The following OOEP variants were observed in gnomAD, a reference collection of about 807,000 sequenced individuals.
OOEP encodes the protein oocyte expressed protein.
Under a neutral mutation model 13.7 loss-of-function variants are expected in OOEP, and 16 were observed. The ratio of observed to expected loss-of-function variants is 1.16; its 90% confidence interval spans 0.79 to 1.77. OOEP has a LOEUF of 1.77. Among genes scored for constraint, OOEP ranks in the 40% most tolerant of loss-of-function variants. The pLI is 0.00. For synonymous variants in OOEP, 89 were observed against 77.1 expected, an observed-to-expected ratio of 1.15 and a Z score of -0.81; for missense variants, 195 against 193.1, an observed-to-expected ratio of 1.01 and a Z score of -0.06.
intron 2 of OOEP, among the ~76,000 whole-genome samples, chr6:73,380,351 G>A (rs534092315): frequency 2.6e-5 from 4 of 151,356 alleles, no homozygotes; most frequent in Non-Finnish European, 1.5e-5. Flanking sequence ...GGGCTTAAGC[G>A]ATTCTCTCAT....
At chr6:73,373,098 G>A, upstream of OOEP, 1 of 1,591,468 alleles carries the variant, frequency 6.3e-7, no homozygotes. Context: ...GCCATCTCAT[G>A]TGCAATTCCT....
At chr6:73,373,347 C>G, upstream of OOEP, 2 of 1,347,706 alleles carry the variant, frequency 1.5e-6, no homozygotes, top group Non-Finnish European at 2.1e-6. Flanking sequence ...TTTTTTGAGA[C>G]AGGGTCTCAC....
At position 73,369,760 on chromosome 6, in the gene OOEP, C is replaced by G. The variant is rs1317734612; in HGVS notation, c.33G>C (p.Gln11His). The stretch of plus-strand genomic sequence containing the variant: ...AGTGGGCCGGAGTCTGTTTGCCCCG[C>G]TGGGACTCAGCGGCACCAGCATCAT... MVDDAGAAES[Q>H]RGKQTPAHSL... is the part of the protein sequence containing the mutation. The change falls in exon 1 of 3, where the codon CAG becomes CAC. Residue 11 changes from glutamine (Q) to histidine (H), a missense_variant. Transcript: ENST00000370359. 1 of 1,613,914 alleles carries G rather than the reference C, an allele frequency of 6.2e-7. No individual in the cohort carries two copies. The highest frequency in any genetic ancestry group is 1.1e-5 in the South Asian group (1 of 91,088).
upstream of OOEP, chr6:73,373,123 G>C (rs1466393509): frequency 3.7e-6 from 6 of 1,605,660 alleles, no homozygotes; most frequent in Middle Eastern, 2.3e-4. Context: ...GACCCAGCTT[G>C]GTTCTTCTCC....
At position 73,369,657 on chromosome 6, in the gene OOEP, G is replaced by A; in HGVS notation, c.136C>T (p.Leu46=). 6.2e-7 allele frequency: 1 copy of A among 1,614,052 alleles called. No homozygotes were observed. Among genetic ancestry groups the A allele is most frequent in the Non-Finnish European group, 8.5e-7 (1 of 1,179,894 alleles). The change falls in exon 1 of 3, where the codon CTG becomes TTG. Residue 46 remains leucine (L), a synonymous_variant. Coordinates refer to ENST00000370359, the MANE Select transcript of OOEP (RefSeq NM_001080507.3). ...IRPWWFPVQE[L]RDPLVFYLEA... ...AGGTAGAACACCAAAGGGTCTCTCA[G>A]TTCCTGCACCGGAAACCACCAGGGC...
At chr6:73,374,693 A>AT (rs1769110557), upstream of OOEP, among the ~76,000 whole-genome samples, 1 of 152,132 alleles carries the variant, frequency 6.6e-6, no homozygotes, top group Admixed American at 6.6e-5. Flanking sequence ...AAGTGCTGGG[A>AT]TTACGACATG....
intron 1 of OOEP, 37 bp downstream of exon 1, chr6:73,369,566 A>C: frequency 6.3e-7 from 1 of 1,597,304 alleles, no homozygotes; most frequent in Non-Finnish European, 8.6e-7. Context: ...CTCAGACTGG[A>C]GGTGGACAGC....
chr6:73,386,424 A>G (rs1367763759), intron 2 of OOEP, among the ~76,000 whole-genome samples: 1 of 137,650 alleles, frequency 7.3e-6, no homozygotes, highest in East Asian at 2.2e-4. Flanking sequence ...AGGAAATCCT[A>G]AGGAATCCAC....
chr6:73,387,594 T>TATTG (rs76966664), intron 2 of OOEP: 1 of 152,050 alleles, frequency 6.6e-6, no homozygotes, highest in South Asian at 2.1e-4. Flanking sequence ...TTATTTATTC[T>TATTG]ATTGATTGAT....
In OOEP at chr6:73,369,841, C is replaced by G; in HGVS notation, c.-49G>C. On this transcript the variant is annotated 5_prime_UTR_variant, in exon 1 of 3. Coordinates refer to ENST00000370359, the MANE Select transcript of OOEP (RefSeq NM_001080507.3). Reference sequence around the variant, plus strand: ...GCGCTCGAGGCGGCTTTCGCAAGACCTCTTCCAGACCCAGGCGCGAAGCTC... The same window carrying G: ...GCGCTCGAGGCGGCTTTCGCAAGACGTCTTCCAGACCCAGGCGCGAAGCTC... 1 of 1,539,994 alleles carries G rather than the reference C, an allele frequency of 6.5e-7. No individual in the cohort carries two copies. Among genetic ancestry groups the G allele is most frequent in the Non-Finnish European group, 8.9e-7 (1 of 1,125,418 alleles).
At chr6:73,386,977 GAAA>G (rs1169476638) in intron 2 of OOEP, among the ~76,000 whole-genome samples, 1 of 30,868 alleles carries the variant, frequency 3.2e-5, no homozygotes, top group Non-Finnish European at 5.8e-5. Flanking sequence ...TTCCATCTCA[GAAA>G]AAAAAAAAAA....
At chr6:73,377,834 A>G (rs1249724374) in intron 2 of OOEP, among the ~76,000 whole-genome samples, 2 of 152,062 alleles carry the variant, frequency 1.3e-5, no homozygotes, top group Admixed American at 6.6e-5. Context: ...CACCTAGCTA[A>G]TATTTTTTAA....
chr6:73,392,309 T>A (rs1213796724), intron 2 of OOEP, among the ~76,000 whole-genome samples: 1 of 152,224 alleles, frequency 6.6e-6, no homozygotes, highest in Non-Finnish European at 1.5e-5. Flanking sequence ...AATGTTTTTT[T>A]ATCTTTTTTT....
At chr6:73,388,847 C>CT (rs1252467079) in intron 2 of OOEP, among the ~76,000 whole-genome samples, 2 of 152,218 alleles carry the variant, frequency 1.3e-5, no homozygotes, top group African/African-American at 4.8e-5. Flanking sequence ...TCAGCGCCTG[C>CT]TGCTCCGAGA....
At chr6:73,381,205 T>TAAAAAAAA (rs66507015) in intron 2 of OOEP, among the ~76,000 whole-genome samples, 1 of 100,996 alleles carries the variant, frequency 9.9e-6, no homozygotes, top group African/African-American at 4.2e-5. Context: ...AAAAAAGTGT[T>TAAAAAAAA]AAAAAAAAAA....
At position 73,369,377 on chromosome 6, in the gene OOEP, G is replaced by A. The variant is rs1054721483; in HGVS notation, c.199C>T (p.Arg67Ter). Residue 67 changes from arginine (R) to a stop codon, truncating the protein, a stop_gained, in exon 2 of 3, where the codon CGA becomes TGA. Coordinates refer to ENST00000370359, the MANE Select transcript of OOEP (RefSeq NM_001080507.3). LOFTEE classifies it high-confidence loss of function. ...WLADELFGPD[R>*]AIIPEMEWTS... is the part of the protein sequence containing the mutation. ...CACTCCATTTCTGGAATTATGGCTCGGTCTGGGCCTAAACAAGTAAGGAAA... is the reference window on the plus strand; with the variant it reads ...CACTCCATTTCTGGAATTATGGCTCAGTCTGGGCCTAAACAAGTAAGGAAA... 1 of 1,609,754 alleles carries A rather than the reference G, an allele frequency of 6.2e-7. No homozygotes were observed. Among genetic ancestry groups the A allele is most frequent in the Admixed American group, 1.7e-5 (1 of 59,026 alleles).
Position 73,369,752 on chromosome 6 carries a change from T to C in OOEP, c.41A>G (p.Lys14Arg). 1 of 1,613,962 alleles carries C rather than the reference T, an allele frequency of 6.2e-7. No homozygotes were observed. The highest frequency in any genetic ancestry group is 8.5e-7 in the Non-Finnish European group (1 of 1,179,872). The change falls in exon 1 of 3, where the codon AAA becomes AGA. Residue 14 changes from lysine to arginine, a missense_variant. Coordinates refer to ENST00000370359, the MANE Select transcript of OOEP (RefSeq NM_001080507.3). The stretch of plus-strand genomic sequence containing the variant: ...CTCCAGGGAGTGGGCCGGAGTCTGT[T>C]TGCCCCGCTGGGACTCAGCGGCACC... ...DAGAAESQRGKQTPAHSLEQL... is the reference protein window; with the variant it reads ...DAGAAESQRGRQTPAHSLEQL...
intron 2 of OOEP, among the ~76,000 whole-genome samples, chr6:73,381,222 AAAAAAAG>A (rs901543480): frequency 9.4e-5 from 14 of 149,160 alleles, no homozygotes; most frequent in African/African-American, 1.5e-4. Flanking sequence ...AAAAAAAAAA[AAAAAAAG>A]AAGAAGAAAA....
chr6:73,394,180 T>A (rs1409437930), intron 2 of OOEP, among the ~76,000 whole-genome samples: 2 of 152,122 alleles, frequency 1.3e-5, no homozygotes, highest in East Asian at 3.9e-4. Flanking sequence ...CCCATCTCTA[T>A]TAAATTTTTT....
Sources: allele counts gnomAD v4.1 joint callset (sites outside exome capture counted in the v4.1 genomes callset), GRCh38; gene constraint gnomAD v4.1.1; transcripts MANE v1.5; gene names NCBI Gene and HGNC (gene_info 2026-07-23, HGNC 2026-07-21).